Variants in IQSEC1 observed in about 807,000 individuals in gnomAD.
IQSEC1 encodes IQ motif and Sec7 domain ArfGEF 1.
Under a neutral mutation model 91.0 loss-of-function variants are expected in IQSEC1, and 31 were observed. The ratio of observed to expected loss-of-function variants is 0.34; its 90% CI spans 0.26 to 0.46. IQSEC1 has a LOEUF of 0.46. IQSEC1 is among the 20% of genes least tolerant of loss of function. The pLI, the probability that IQSEC1 is intolerant of heterozygous loss-of-function variation, is 1.00. For synonymous variants in IQSEC1, 699 were observed against 662.6 expected, an observed-to-expected ratio of 1.05 and a Z score of -0.84; for missense variants, 1,388 against 1,575.6, an observed-to-expected ratio of 0.88 and a Z score of 2.02.
chr3:13,031,697 A>G (rs1255045239), intron 1 of IQSEC1, among the ~76,000 whole-genome samples: 1 of 151,826 alleles, frequency 6.6e-6, no homozygotes, highest in Non-Finnish European at 1.5e-5. Context: ...TGCAGGACAA[A>G]AACGCTAAGC....
intron 1 of IQSEC1, among the ~76,000 whole-genome samples, chr3:13,281,004 C>T (rs1695779681): frequency 6.6e-6 from 1 of 152,242 alleles, no homozygotes; most frequent in South Asian, 2.1e-4. Flanking sequence ...ACGACGTGCT[C>T]CCTCTCAGCA....
intron 1 of IQSEC1, among the ~76,000 whole-genome samples, chr3:13,238,406 C>G (rs2125099600): frequency 6.6e-6 from 1 of 152,350 alleles, no homozygotes; most frequent in Non-Finnish European, 1.5e-5. Flanking sequence ...CAGGAATGCT[C>G]TCCCCAGAAC....
chr3:13,073,677 C>G (rs1705511311), upstream of IQSEC1, among the ~76,000 whole-genome samples: 1 of 152,242 alleles, frequency 6.6e-6, no homozygotes, highest in Non-Finnish European at 1.5e-5. Context: ...GCGGAGCCTA[C>G]GATGACACTA....
intron 1 of IQSEC1, among the ~76,000 whole-genome samples, chr3:13,055,744 G>A (rs1025225687): frequency 8.5e-5 from 13 of 152,182 alleles, no homozygotes; most frequent in Non-Finnish European, 1.8e-4. Context: ...AGGAAGAGGC[G>A]ATCACTGGGC....
At chr3:13,119,548 C>T (rs554242539) in intron 2 of IQSEC1, among the ~76,000 whole-genome samples, 1 of 152,324 alleles carries the variant, frequency 6.6e-6, no homozygotes, top group East Asian at 1.9e-4. Context: ...TAGGTGGGTC[C>T]AACAACATCC....
At chr3:13,192,713 A>G (rs575360350) in intron 1 of IQSEC1, among the ~76,000 whole-genome samples, 1 of 152,280 alleles carries the variant, frequency 6.6e-6, no homozygotes, top group African/African-American at 2.4e-5. Context: ...GGAGCCACCC[A>G]CTTTGTTATG....
chr3:12,945,025 G>C (rs1699084911), intron 1 of IQSEC1, among the ~76,000 whole-genome samples: 1 of 152,228 alleles, frequency 6.6e-6, no homozygotes. Context: ...GGGTGAGTGA[G>C]GGCCCAGGCC....
At chr3:13,251,358 GA>G (rs1695191365) in intron 1 of IQSEC1, among the ~76,000 whole-genome samples, 2 of 152,192 alleles carry the variant, frequency 1.3e-5, no homozygotes, top group African/African-American at 4.8e-5. Context: ...TGAGAACCCT[GA>G]AGACAGGAAT....
Position 13,008,813 on chromosome 3 carries a change from G to A in IQSEC1, c.23+64179C>T, listed in dbSNP as rs75291889. Among the ~76,000 whole-genome samples, 2,953 of 152,210 alleles carry A rather than the reference G, an allele frequency of 0.019. 174 individuals carry two copies. In the East Asian group the frequency reaches 0.22, roughly 12 times the overall value. On this transcript the variant is annotated intron_variant, in intron 1 of 13. Transcript: ENST00000613206. The surrounding 1 kb of genome is among the most constrained non-coding windows in gnomAD (Gnocchi z 4.1). ...CAGAAAGGGGAGCTCACAGAGGAGG[G>A]GATATCCAGCTAACCCAGTGGGAAC...
At chr3:13,041,511 G>A (rs1704267603) in intron 1 of IQSEC1, among the ~76,000 whole-genome samples, 1 of 152,210 alleles carries the variant, frequency 6.6e-6, no homozygotes, top group African/African-American at 2.4e-5. Context: ...AATTCCCTCA[G>A]AATAGACGGG....
chr3:13,053,521 C>T (rs546871527), intron 1 of IQSEC1, among the ~76,000 whole-genome samples: 37 of 152,256 alleles, frequency 2.4e-4, no homozygotes, highest in East Asian at 1.3e-3. Context: ...GTTCCTGAGA[C>T]GGAATGGGAG....
intron 1 of IQSEC1, among the ~76,000 whole-genome samples, chr3:13,025,711 A>C (rs1476704086): frequency 6.6e-6 from 1 of 152,196 alleles, no homozygotes; most frequent in Non-Finnish European, 1.5e-5. Flanking sequence ...AAATGGGCAC[A>C]CTATACTCGA....
In IQSEC1 at chr3:12,935,492, G is replaced by A. The variant is rs1057220959; in HGVS notation, c.1524C>T (p.Val508=). The part of the protein sequence containing the change: ...SWDSPAFSND[V]IRKRHYRIGL... ...CGATGCGGTAGTGCCTCTTGCGGAT[G>A]ACATCGTTGCTAAAGGCAGGCGAGT... The change falls in exon 3 of 14, where the codon GTC becomes GTT. Residue 508 remains valine, a synonymous_variant. Coordinates refer to ENST00000613206, the MANE Select transcript of IQSEC1 (RefSeq NM_001134382.3). The surrounding 1 kb of genome is among the most constrained non-coding windows in gnomAD (Gnocchi z 8.0). 3.7e-6 allele frequency: 6 copies of A among 1,613,842 alleles called. No individual in the cohort carries two copies. The highest frequency in any genetic ancestry group is 5.1e-6 in the Non-Finnish European group (6 of 1,179,784).
intron 2 of IQSEC1, among the ~76,000 whole-genome samples, chr3:13,110,319 G>A (rs1484467280): frequency 3.3e-5 from 5 of 151,912 alleles, no homozygotes; most frequent in Non-Finnish European, 7.4e-5. Context: ...GGCCGGGCGC[G>A]GTGGCTCACA....
chr3:12,915,071 T>A (rs763272685), intron 8 of IQSEC1, 33 bp downstream of exon 8: 33 of 1,588,984 alleles, frequency 2.1e-5, no homozygotes, highest in African/African-American at 4.0e-5. Context: ...GGCGGCGGGC[T>A]ACCCACAAAG....
In IQSEC1 at chr3:12,936,320, T is replaced by C; in HGVS notation, c.696A>G (p.Gln232=). The change falls in exon 3 of 14, where the codon CAA becomes CAG. Residue 232 remains glutamine (Q), a synonymous_variant. Coordinates refer to ENST00000613206, the MANE Select transcript of IQSEC1 (RefSeq NM_001134382.3). ...ITELEDAFSR[Q]VKSLAESIDD... ...CGATGGACTCGGCCAGTGATTTCAC[T>C]TGCCTAGAGAAGGCGTCCTCCAGCT... The C allele has an allele frequency of 6.2e-7, 1 of 1,611,744 alleles. No individual in the cohort carries two copies. Among genetic ancestry groups the C allele is most frequent in the African/African-American group, 1.3e-5 (1 of 75,012 alleles).
intron 1 of IQSEC1, among the ~76,000 whole-genome samples, chr3:12,974,099 C>T (rs1701038969): frequency 6.6e-6 from 1 of 152,208 alleles, no homozygotes; most frequent in African/African-American, 2.4e-5. Context: ...AATAAAGAAC[C>T]ACTGCAGCTA....
chr3:13,204,446 C>T (rs1208388640), intron 1 of IQSEC1, among the ~76,000 whole-genome samples: 1 of 152,278 alleles, frequency 6.6e-6, no homozygotes, highest in Non-Finnish European at 1.5e-5. Flanking sequence ...TTCCCCCTCC[C>T]ACGGTCCAGC....
intron 1 of IQSEC1, among the ~76,000 whole-genome samples, chr3:13,027,225 T>C (rs1448236658): frequency 2.0e-5 from 3 of 152,188 alleles, no homozygotes; most frequent in Non-Finnish European, 2.9e-5. Flanking sequence ...AGGACAGTAG[T>C]GGGCTCCCAG....
Sources: gnomAD v4.1 joint callset for allele counts (sites outside exome capture counted in the v4.1 genomes callset) on GRCh38, gnomAD v4.1.1 for gene constraint, Gnocchi (gnomAD v3.1) non-coding constraint, MANE v1.5 for transcripts, NCBI Gene and HGNC (gene_info 2026-07-23, HGNC 2026-07-21) for gene names.